NUSAP1: variants seen among roughly 807,000 people sequenced by gnomAD.
NUSAP1 encodes the protein nucleolar and spindle associated protein 1, also known as nucleolar and spindle-associated protein 1.
Under a neutral mutation model 52.8 loss-of-function variants are expected in NUSAP1, and 32 were observed. The ratio of observed to expected loss-of-function variants is 0.61; its 90% CI spans 0.46 to 0.81. The LOEUF is 0.81. Among genes scored for constraint, NUSAP1 ranks in the 40% least tolerant of loss-of-function variants. The pLI is 0.00. For missense variants in NUSAP1, 499 were observed against 522.3 expected, an observed-to-expected ratio of 0.96 and a Z score of 0.43; for synonymous variants, 195 against 183.1, an observed-to-expected ratio of 1.06 and a Z score of -0.52.
chr15:41,361,639 A>C (rs1347860558), intron 6 of NUSAP1, among the ~76,000 whole-genome samples: 2 of 152,188 alleles, frequency 1.3e-5, no homozygotes, highest in African/African-American at 4.8e-5. Flanking sequence ...TTAAGGACAG[A>C]GCAAGAACGA....
chr15:41,368,228 A>G (rs1302116158), intron 7 of NUSAP1, among the ~76,000 whole-genome samples: 1 of 152,012 alleles, frequency 6.6e-6, no homozygotes, highest in Non-Finnish European at 1.5e-5. Flanking sequence ...ATGTTGCCCA[A>G]GATGGTCTTG....
intron 9 of NUSAP1, among the ~76,000 whole-genome samples, chr15:41,376,804 G>A (rs2049957320): frequency 6.6e-6 from 1 of 151,930 alleles, no homozygotes; most frequent in Non-Finnish European, 1.5e-5. Flanking sequence ...GTTGGACACA[G>A]TGGCTCATGC....
intron 7 of NUSAP1, among the ~76,000 whole-genome samples, chr15:41,368,669 A>G (rs900003667): frequency 6.6e-6 from 1 of 151,424 alleles, no homozygotes; most frequent in African/African-American, 2.4e-5. Context: ...GAACTGGTGC[A>G]TGACAGCCCT....
intron 5 of NUSAP1, 56 bp downstream of exon 5, chr15:41,356,196 G>T: frequency 1.0e-6 from 1 of 970,598 alleles, no homozygotes. Flanking sequence ...TCGGAATGAT[G>T]TTGGACTGTA....
At chr15:41,336,024 C>T (rs1390409909) in intron 1 of NUSAP1, among the ~76,000 whole-genome samples, 2 of 150,770 alleles carry the variant, frequency 1.3e-5, no homozygotes, top group Non-Finnish European at 3.0e-5. Flanking sequence ...ATTTGGGAGG[C>T]CAAGGCAGGT....
At position 41,358,154 on chromosome 15, in the gene NUSAP1, A is replaced by G; in HGVS notation, c.556A>G (p.Lys186Glu). ...KRTAITTPNF[K>E]KLHEAHFKEM... ...TTTATATTGGAACATTCTAGACTTT[A>G]AGAAGCTTCATGAAGCTCATTTTAA... The change falls in exon 6 of 11, where the codon AAG becomes GAG. Residue 186 changes from lysine (K) to glutamate (E), a missense_variant. Transcript: ENST00000559596. 7.0e-7 allele frequency: 1 copy of G among 1,433,438 alleles called. No homozygotes were observed. Among genetic ancestry groups the G allele is most frequent in the Non-Finnish European group, 9.7e-7 (1 of 1,032,426 alleles). 88.8% of individuals were successfully genotyped at this position (1,433,438 alleles called of 1,614,324 possible). A position where few individuals can be genotyped will look rare whatever the true frequency, so the allele number is the denominator to read the frequency against.
intron 6 of NUSAP1, among the ~76,000 whole-genome samples, chr15:41,363,983 A>G (rs1303494652): frequency 6.6e-6 from 1 of 151,856 alleles, no homozygotes; most frequent in African/African-American, 2.4e-5. Context: ...CACATGTTAA[A>G]TATATAATAG....
rs1390647284 is a variant in NUSAP1 at position 41,365,437 on chromosome 15, A to C, written c.696A>C (p.Pro232=). ...QPINKGGVRT[P]VPPRGRLSVA... ...TCAATAAGGGAGGGGTCAGGACTCC[A>C]GTACCTCCAAGAGGAAGACTCTCTG... Residue 232 remains proline, a synonymous_variant, in exon 7 of 11, where the codon CCA becomes CCC. Transcript: ENST00000559596. 1 of 1,612,926 alleles carries C rather than the reference A, an allele frequency of 6.2e-7. No individual in the cohort carries two copies. Among genetic ancestry groups the C allele is most frequent in the East Asian group, 2.2e-5 (1 of 44,852 alleles).
chr15:41,373,834 C>T (rs2049813143), intron 8 of NUSAP1, among the ~76,000 whole-genome samples: 1 of 152,078 alleles, frequency 6.6e-6, no homozygotes, highest in African/African-American at 2.4e-5. Context: ...TCCCAAAGTG[C>T]TGAGATTACA....
At chr15:41,366,020 C>T (rs138481099) in intron 7 of NUSAP1, among the ~76,000 whole-genome samples, 2,383 of 151,634 alleles carry the variant, frequency 0.016, 27 homozygotes, top group Middle Eastern at 0.024. Flanking sequence ...ACGCCCGGCC[C>T]ATAGTGATGT....
intron 1 of NUSAP1, among the ~76,000 whole-genome samples, chr15:41,337,744 T>C (rs1345595751): frequency 5.3e-5 from 8 of 152,096 alleles, no homozygotes; most frequent in Admixed American, 4.6e-4. Flanking sequence ...CTTTCTGTTC[T>C]AGGCTTTGAT....
At position 41,369,323 on chromosome 15, in the gene NUSAP1, G is replaced by A. The variant is rs545797443; in HGVS notation, c.849-2204G>A. ...TTATTGAATTAGCTTGGAATATGAA[G>A]TACCTGTAATTGGTGGTTCTGATTT... On this transcript the variant is annotated intron_variant, in intron 7 of 10. Transcript: ENST00000559596. Among the ~76,000 whole-genome samples, 3 of 152,092 alleles carry A rather than the reference G, an allele frequency of 2.0e-5. No homozygotes were observed. In the South Asian group the frequency reaches 6.2e-4, roughly 32 times the overall value.
intron 10 of NUSAP1, 23 bp from the exon 11 acceptor site, chr15:41,380,070 A>T (rs1402389978): frequency 2.1e-5 from 32 of 1,542,672 alleles, no homozygotes; most frequent in Non-Finnish European, 2.8e-5. Flanking sequence ...CCTAGAGCTT[A>T]ATGTGTGACC....
chr15:41,342,479 C>G, intron 2 of NUSAP1, 25 bp downstream of exon 2: 1 of 1,490,532 alleles, frequency 6.7e-7, no homozygotes. Flanking sequence ...TCATGTTTAC[C>G]TGTTAGCTAG....
chr15:41,350,285 G>A (rs550677508), intron 3 of NUSAP1, among the ~76,000 whole-genome samples: 1 of 152,196 alleles, frequency 6.6e-6, no homozygotes, highest in South Asian at 2.1e-4. Context: ...ACAGTAACAG[G>A]TTACATAATC....
chr15:41,351,336 T>G (rs1403158031), intron 4 of NUSAP1, among the ~76,000 whole-genome samples: 2 of 152,132 alleles, frequency 1.3e-5, no homozygotes, highest in African/African-American at 4.8e-5. Context: ...AGACTCTGGG[T>G]GGACTCCTTC....
chr15:41,375,729 T>G lies in NUSAP1; in HGVS notation c.1024T>G (p.Leu342Val), dbSNP rs774220296. ...NSAAVITPFK[L>V]TTEATQTPVS... ...GTTTTTAGTTATTACCCCATTCAAG[T>G]TGACAACTGAGGCAACGCAGACTCC... Residue 342 changes from leucine to valine, a missense_variant, in exon 9 of 11, where the codon TTG becomes GTG. Physicochemically the swap from Leu to Val is conservative, Grantham distance 32. Coordinates refer to ENST00000559596, the MANE Select transcript of NUSAP1 (RefSeq NM_016359.5). 1 of 1,613,060 alleles carries G rather than the reference T, an allele frequency of 6.2e-7. No homozygotes were observed. The highest frequency in any genetic ancestry group is 8.5e-7 in the Non-Finnish European group (1 of 1,179,064).
chr15:41,338,516 G>A (rs765893330), intron 1 of NUSAP1, among the ~76,000 whole-genome samples: 3 of 152,034 alleles, frequency 2.0e-5, no homozygotes, highest in Admixed American at 1.3e-4. Flanking sequence ...CATCTCCAGC[G>A]CTGCAAACCT....
intron 8 of NUSAP1, among the ~76,000 whole-genome samples, chr15:41,373,888 A>G (rs1231683073): frequency 2.0e-5 from 3 of 152,112 alleles, no homozygotes; most frequent in African/African-American, 7.2e-5. Context: ...CTGAAAAGTT[A>G]CCGTCATTTC....
Sources: allele counts gnomAD v4.1 joint callset (sites outside exome capture counted in the v4.1 genomes callset), GRCh38; gene constraint gnomAD v4.1.1; transcripts MANE v1.5; gene names NCBI Gene and HGNC (gene_info 2026-07-23, HGNC 2026-07-21).